The following OR2AT4 variants were observed in gnomAD, a reference collection of about 807,000 sequenced individuals.
OR2AT4 encodes the protein olfactory receptor family 2 subfamily AT member 4.
Under a neutral mutation model 10.3 loss-of-function variants are expected in OR2AT4, and 6 were observed. That is an observed-to-expected ratio of 0.58 (90% CI 0.32 to 1.15). OR2AT4 has a LOEUF of 1.15. OR2AT4 is among the 50% of genes most tolerant of loss of function. The pLI, the probability that OR2AT4 is intolerant of heterozygous loss-of-function variation, is 0.05. For synonymous variants in OR2AT4, 145 were observed against 159.1 expected, an observed-to-expected ratio of 0.91 and a Z score of 0.67; for missense variants, 354 against 393.8, an observed-to-expected ratio of 0.90 and a Z score of 0.85.
chr11:75,085,484 C>G (rs138512449), exon 2 of OR2AT4: 1 of 151,968 alleles, frequency 6.6e-6, no homozygotes, highest in East Asian at 1.9e-4. Context: ...GTAGAAGAGA[C>G]GGGAAAGCTT....
intron 1 of OR2AT4, 35 bp from the exon 2 acceptor site, chr11:75,090,399 A>C (rs1475077169): frequency 6.6e-6 from 1 of 152,250 alleles, no homozygotes; most frequent in Non-Finnish European, 1.5e-5. Context: ...ATAGCCCAAC[A>C]CTTTCACTGC....
intron 1 of OR2AT4, among the ~76,000 whole-genome samples, chr11:75,093,323 C>T (rs904057292): frequency 2.6e-5 from 4 of 152,194 alleles, no homozygotes; most frequent in Admixed American, 2.0e-4. Context: ...ATTTCATTAT[C>T]ACTATCCTGT....
chr11:75,089,526 G>A (rs755514251), exon 2 of OR2AT4: 1 of 1,614,110 alleles, frequency 6.2e-7, no homozygotes, highest in Non-Finnish European at 8.5e-7. Flanking sequence ...GAAGTACATG[G>A]GCTTGTGGAG....
chr11:75,089,636 C>A lies in OR2AT4; in HGVS notation c.78G>T (p.Glu26Asp), dbSNP rs767243858. The change falls in exon 2 of 2, where the codon GAG (glutamate) becomes GAT (aspartate). Residue 26 changes from glutamate to aspartate, a missense_variant. Coordinates refer to ENST00000641504, the Ensembl canonical transcript of OR2AT4. Reference sequence around the variant, plus strand: ...TAAAAAACACAGGGAGGAAGAAGGTCTCTGGCAGAGAGGGGATGCCCAATA... The same window carrying A: ...TAAAAAACACAGGGAGGAAGAAGGTATCTGGCAGAGAGGGGATGCCCAATA... 3 of 1,613,954 alleles carry A rather than the reference C, an allele frequency of 1.9e-6. No individual in the cohort carries two copies. The Admixed American group carries it at 5.0e-5, about 27-fold the overall frequency.
chr11:75,089,829 T>G, exon 2 of OR2AT4: 1 of 1,059,630 alleles, frequency 9.4e-7, no homozygotes, highest in Middle Eastern at 3.2e-4. Flanking sequence ...ATGTTTACTC[T>G]GTAGGTAATA....
exon 2 of OR2AT4, chr11:75,085,794 T>C (rs1949287739): frequency 6.6e-6 from 1 of 152,118 alleles, no homozygotes; most frequent in Non-Finnish European, 1.5e-5. Context: ...ATTTAATCTA[T>C]AGATTTAACA....
At chr11:75,088,847 A>G in exon 2 of OR2AT4, 2 of 1,612,954 alleles carry the variant, frequency 1.2e-6, no homozygotes, top group Non-Finnish European at 1.7e-6. Flanking sequence ...GGGGGTTGAG[A>G]ATTGGTGTGA....
At chr11:75,090,595 C>T (rs1949316570) in intron 1 of OR2AT4, among the ~76,000 whole-genome samples, 1 of 152,176 alleles carries the variant, frequency 6.6e-6, no homozygotes, top group East Asian at 1.9e-4. Flanking sequence ...GTGGCTTAGA[C>T]TTGGACCAGG....
At chr11:75,085,885 AC>A (rs1367310009) in exon 2 of OR2AT4, 1 of 152,098 alleles carries the variant, frequency 6.6e-6, no homozygotes, top group East Asian at 1.9e-4. Context: ...TAACCAAACA[AC>A]TGCAAAAAAA....
exon 2 of OR2AT4, chr11:75,089,705 G>T (rs762867288): frequency 6.2e-7 from 1 of 1,609,608 alleles, no homozygotes; most frequent in Non-Finnish European, 8.5e-7. Context: ...TACAGGCTGT[G>T]GCATCCATTG....
chr11:75,089,415 G>A (rs374915622), exon 2 of OR2AT4: 1 of 1,614,040 alleles, frequency 6.2e-7, no homozygotes, highest in African/African-American at 1.3e-5. Flanking sequence ...TAAGCAGGAA[G>A]AAAAGCTGAG....
Position 75,088,982 on chromosome 11 carries a change from G to A in OR2AT4, c.732C>T (p.Ser244=), listed in dbSNP as rs61897539. The A allele has an allele frequency of 2.5e-6, 4 of 1,614,088 alleles. No individual in the cohort carries two copies. The African/African-American group carries it at 5.3e-5, about 22-fold the overall frequency. Reference sequence around the variant, plus strand: ...CGACCAGAAGGTGGGAGCTGCAGGTGGAGAAGGCTTTTGCCCGTCCTTCTA... The same window carrying A: ...CGACCAGAAGGTGGGAGCTGCAGGTAGAGAAGGCTTTTGCCCGTCCTTCTA... The change falls in exon 2 of 2, where the codon TCC becomes TCT. Residue 244 remains serine (S), a synonymous_variant. Transcript: ENST00000641504.
At position 75,085,262 on chromosome 11, in the gene OR2AT4, G is replaced by A. The variant is rs1949284576; in HGVS notation, c.*3489C>T. The A allele has an allele frequency of 2.0e-5, 3 of 152,062 alleles. No homozygotes were observed. In the South Asian group the frequency reaches 6.2e-4, roughly 32 times the overall value. The allele number at this position is 152,062 out of a possible 1,614,324, so 9.4% of individuals were successfully genotyped here. A position where few individuals can be genotyped will look rare whatever the true frequency, so the allele number is the denominator to read the frequency against. On this transcript the variant is annotated 3_prime_UTR_variant, in exon 2 of 2. Coordinates refer to ENST00000641504, the Ensembl canonical transcript of OR2AT4. ...CTATGTTTATAAATTCTAAAATTTG[G>A]ACAAAATGGACAAATTTCTTAAAAG... is the stretch of plus-strand genomic sequence containing the variant.
chr11:75,088,684 G>A lies in OR2AT4; in HGVS notation c.*67C>T, dbSNP rs112472789. The A allele has an allele frequency of 1.7e-5, 24 of 1,395,732 alleles. No homozygotes were observed. The African/African-American group carries it at 1.9e-4, about 11-fold the overall frequency. The allele number at this position is 1,395,732 out of a possible 1,614,324, so 86.5% of individuals were successfully genotyped here. A position where few individuals can be genotyped will look rare whatever the true frequency, so the allele number is the denominator to read the frequency against. On this transcript the variant is annotated 3_prime_UTR_variant, in exon 2 of 2. Transcript: ENST00000641504. ...TAACATTATTTCATTATCATGTATT[G>A]AGTCCTTTCTCTGTGCTAAGCACTG...
Position 75,089,196 on chromosome 11 carries a change from T to C in OR2AT4, c.518A>G (p.Tyr173Cys), listed in dbSNP as rs779606287. Residue 173 changes from tyrosine (Y) to cysteine (C), a missense_variant, in exon 2 of 2, where the codon TAT (tyrosine) becomes TGT (cysteine). Coordinates refer to ENST00000641504, the Ensembl canonical transcript of OR2AT4. Reference sequence around the variant, plus strand: ...GTGGTAGATGTAGGCAATGCTGTTATATGCCATCTGGGAGGTCCTTACTAC... The same window carrying C: ...GTGGTAGATGTAGGCAATGCTGTTACATGCCATCTGGGAGGTCCTTACTAC... 36 of 1,614,182 alleles carry C rather than the reference T, an allele frequency of 2.2e-5. No homozygotes were observed. The highest frequency in any genetic ancestry group is 3.0e-5 in the Non-Finnish European group (35 of 1,180,028).
At chr11:75,088,234 T>G (rs867810336) in exon 2 of OR2AT4, 8 of 152,598 alleles carry the variant, frequency 5.2e-5, no homozygotes, top group African/African-American at 1.7e-4. Context: ...ATTGCGGTAG[T>G]GTTATACCAG....
exon 2 of OR2AT4, chr11:75,089,921 G>A (rs535063660): frequency 5.2e-5 from 27 of 519,510 alleles, no homozygotes; most frequent in Middle Eastern, 4.9e-4. Context: ...CGCAAAATTT[G>A]TCAAATATTG....
chr11:75,088,738 C>T (rs1949301508), exon 2 of OR2AT4: 1 of 1,542,826 alleles, frequency 6.5e-7, no homozygotes, highest in Non-Finnish European at 8.7e-7. Flanking sequence ...GCAGAGTTAG[C>T]TGCATTTAAA....
chr11:75,092,240 T>A (rs1483638890), intron 1 of OR2AT4, among the ~76,000 whole-genome samples: 2 of 152,224 alleles, frequency 1.3e-5, no homozygotes, highest in African/African-American at 4.8e-5. Context: ...TGGTAAGATA[T>A]GTAGTAACTG....
Sources: allele counts gnomAD v4.1 joint callset (sites outside exome capture counted in the v4.1 genomes callset), GRCh38; gene constraint gnomAD v4.1.1; transcripts MANE v1.5; gene names NCBI Gene and HGNC (gene_info 2026-07-23, HGNC 2026-07-21).